The following ARHGEF28 variants were observed in gnomAD, a reference collection of about 807,000 sequenced individuals.
The protein encoded by ARHGEF28 is 190 kDa guanine nucleotide exchange factor.
In ARHGEF28, 152 loss-of-function variants were observed where a neutral mutation model predicts 206.6. The observed-to-expected ratio is 0.74, with a 90% CI of 0.64 to 0.84. The LOEUF (loss-of-function observed/expected upper bound fraction) is 0.84, where lower values mean the gene tolerates loss of function less well. Ranked by LOEUF, ARHGEF28 falls within the 40% of genes least tolerant of loss-of-function variation. The pLI is 0.00. For synonymous variants in ARHGEF28, 763 were observed against 776.4 expected, an observed-to-expected ratio of 0.98 and a Z score of 0.29; for missense variants, 2,028 against 2,073.2, an observed-to-expected ratio of 0.98 and a Z score of 0.42.
chr5:73,802,471 G>A (rs957443215), intron 9 of ARHGEF28, among the ~76,000 whole-genome samples: 7 of 152,116 alleles, frequency 4.6e-5, no homozygotes, highest in Admixed American at 2.6e-4. Flanking sequence ...AGGGAAAAAT[G>A]GCAGTACTTT....
chr5:73,775,480 G>T, intron 5 of ARHGEF28, among the ~76,000 whole-genome samples: 1 of 152,178 alleles, frequency 6.6e-6, no homozygotes, highest in Middle Eastern at 3.2e-3. Flanking sequence ...AGTGTCAAGA[G>T]TTTGGAGAGG....
intron 1 of ARHGEF28, among the ~76,000 whole-genome samples, chr5:73,672,824 G>A (rs1457198723): frequency 6.6e-6 from 1 of 152,214 alleles, no homozygotes; most frequent in African/African-American, 2.4e-5. Flanking sequence ...AAATACAAGT[G>A]AGTGTGACAG....
chr5:73,898,137 C>T (rs1337222506), intron 30 of ARHGEF28, 44 bp downstream of exon 30: 20 of 1,597,570 alleles, frequency 1.3e-5, no homozygotes, highest in African/African-American at 1.3e-5. Context: ...GAGCACAGTC[C>T]CTGGAGCTTA....
chr5:73,841,887 C>T (rs1016165445), intron 11 of ARHGEF28, among the ~76,000 whole-genome samples: 30 of 151,878 alleles, frequency 2.0e-4, no homozygotes, highest in African/African-American at 7.3e-4. Context: ...TGGGTGGGCT[C>T]ATGAGTGTTT....
At chr5:73,923,880 AAACCCT>A (rs1763660747) in intron 35 of ARHGEF28, among the ~76,000 whole-genome samples, 1 of 152,232 alleles carries the variant, frequency 6.6e-6, no homozygotes, top group African/African-American at 2.4e-5. Context: ...GGGTTGAAAC[AAACCCT>A]AGCTTCTTCT....
intron 10 of ARHGEF28, 111 bp downstream of exon 10, chr5:73,832,570 A>C (rs1757364055): frequency 1.4e-6 from 2 of 1,401,302 alleles, no homozygotes; most frequent in African/African-American, 1.4e-5. Flanking sequence ...GCCTAAGAGC[A>C]GCAAAGAGGA....
intron 4 of ARHGEF28, among the ~76,000 whole-genome samples, chr5:73,757,683 G>A (rs1752389264): frequency 6.6e-6 from 1 of 152,044 alleles, no homozygotes; most frequent in Non-Finnish European, 1.5e-5. Context: ...TTGAGGAAAG[G>A]AAATATCCCA....
chr5:73,829,718 A>G (rs1579952466), intron 9 of ARHGEF28, among the ~76,000 whole-genome samples: 11 of 152,148 alleles, frequency 7.2e-5, no homozygotes, highest in Middle Eastern at 3.4e-3. Context: ...TTGGCTTTCT[A>G]TGTACAGTGG....
In ARHGEF28 at chr5:73,928,967, G is replaced by A. The variant is rs529379117; in HGVS notation, c.4949-11877G>A. ...TTTATTTATTTTGAGACGGAGTCTCGCTCTGTCACCCATGCTGGAGTGTAG... is the reference window on the plus strand; with the variant it reads ...TTTATTTATTTTGAGACGGAGTCTCACTCTGTCACCCATGCTGGAGTGTAG... On this transcript the variant is annotated intron_variant, in intron 35 of 35. Coordinates refer to ENST00000513042, the MANE Select transcript of ARHGEF28 (RefSeq NM_001177693.2). Among the ~76,000 whole-genome samples, 212 of 152,116 alleles carry A rather than the reference G, an allele frequency of 1.4e-3. 1 individual carries two copies. The highest frequency in any genetic ancestry group is 4.8e-3 in the African/African-American group (199 of 41,498).
At chr5:73,911,055 TTTG>T (rs1162052947) in intron 34 of ARHGEF28, among the ~76,000 whole-genome samples, 2 of 152,198 alleles carry the variant, frequency 1.3e-5, no homozygotes, top group Non-Finnish European at 2.9e-5. Flanking sequence ...TGCCACTTTT[TTTG>T]TTGTTGTTGT....
intron 35 of ARHGEF28, among the ~76,000 whole-genome samples, chr5:73,927,761 TAA>T (rs1358227913): frequency 1.3e-5 from 2 of 152,228 alleles, no homozygotes; most frequent in Non-Finnish European, 2.9e-5. Flanking sequence ...TAAAAATGTT[TAA>T]GTTTAATTTC....
chr5:73,917,881 C>T (rs533364755), intron 35 of ARHGEF28, among the ~76,000 whole-genome samples: 1 of 152,286 alleles, frequency 6.6e-6, no homozygotes, highest in East Asian at 1.9e-4. Context: ...TATGATGTGG[C>T]TTTACTCTCA....
At chr5:73,872,874 C>T in intron 21 of ARHGEF28, 125 bp from the exon 22 acceptor site, 2 of 1,097,510 alleles carry the variant, frequency 1.8e-6, no homozygotes, top group Non-Finnish European at 2.5e-6. Context: ...TTGGAATATT[C>T]TTGATATTCC....
At chr5:73,931,819 C>T (rs1764137739) in intron 35 of ARHGEF28, among the ~76,000 whole-genome samples, 1 of 152,118 alleles carries the variant, frequency 6.6e-6, no homozygotes, top group Non-Finnish European at 1.5e-5. Flanking sequence ...CTCCTGCTTT[C>T]CTATTTCATA....
At chr5:73,693,456 A>T (rs538302710) in intron 2 of ARHGEF28, among the ~76,000 whole-genome samples, 58 of 152,268 alleles carry the variant, frequency 3.8e-4, no homozygotes, top group African/African-American at 1.4e-3. Flanking sequence ...CTATTAATTG[A>T]TGGTCATTTG....
At chr5:73,810,909 A>G (rs1255963874) in intron 9 of ARHGEF28, among the ~76,000 whole-genome samples, 1 of 152,162 alleles carries the variant, frequency 6.6e-6, no homozygotes, top group Non-Finnish European at 1.5e-5. Context: ...AATAAGAAAC[A>G]TGTCTTTCTC....
intron 35 of ARHGEF28, among the ~76,000 whole-genome samples, chr5:73,929,228 C>G (rs1054653188): frequency 6.6e-6 from 1 of 152,188 alleles, no homozygotes; most frequent in African/African-American, 2.4e-5. Flanking sequence ...TCTGATCACT[C>G]AACTTCAGAA....
chr5:73,936,637 A>C (rs1764434295), intron 35 of ARHGEF28, among the ~76,000 whole-genome samples: 1 of 152,244 alleles, frequency 6.6e-6, no homozygotes, highest in South Asian at 2.1e-4. Flanking sequence ...AGAGAGGGGC[A>C]ATGACTTGCC....
chr5:73,710,254 G>T (rs546864429), intron 2 of ARHGEF28, among the ~76,000 whole-genome samples: 1 of 152,194 alleles, frequency 6.6e-6, no homozygotes, highest in East Asian at 1.9e-4. Flanking sequence ...CTTCTAAAAG[G>T]TATGTAGTAG....
Sources: allele counts gnomAD v4.1 joint callset (sites outside exome capture counted in the v4.1 genomes callset), GRCh38; gene constraint gnomAD v4.1.1; transcripts MANE v1.5; gene names NCBI Gene and HGNC (gene_info 2026-07-23, HGNC 2026-07-21).